Variants in PLA2G1B observed in about 807,000 individuals in gnomAD.
The protein encoded by PLA2G1B is phospholipase A2.
In PLA2G1B, 12 loss-of-function variants were observed where a neutral mutation model predicts 12.5. That is an observed-to-expected ratio of 0.96 (90% CI 0.62 to 1.56). The LOEUF (loss-of-function observed/expected upper bound fraction) is 1.56, where lower values mean the gene tolerates loss of function less well. Ranked by LOEUF, PLA2G1B falls within the 40% of genes most tolerant of loss-of-function variation. PLA2G1B has a pLI of 0.00. For synonymous variants in PLA2G1B, 81 were observed against 73.4 expected (o/e 1.10, Z -0.53); for missense variants, 189 against 186.7 (o/e 1.01, Z -0.07).
chr12:120,323,764 T>C (rs1290772832), intron 3 of PLA2G1B, among the ~76,000 whole-genome samples: 1 of 152,080 alleles, frequency 6.6e-6, no homozygotes, highest in Non-Finnish European at 1.5e-5. Flanking sequence ...TTAAGCCATA[T>C]TATTCAGTGA....
intron 3 of PLA2G1B, among the ~76,000 whole-genome samples, chr12:120,324,154 A>G (rs879261105): frequency 6.6e-5 from 10 of 152,274 alleles, no homozygotes; most frequent in Non-Finnish European, 1.3e-4. Flanking sequence ...TCTGCTAAAA[A>G]TACAAAAAAT....
rs1873246197 is a variant in PLA2G1B, at chr12:120,322,117, C to G, written c.*76G>C. 1.4e-6 allele frequency: 2 copies of G among 1,429,960 alleles called. No individual in the cohort carries two copies. The highest frequency in any genetic ancestry group is 4.6e-5 in the East Asian group (2 of 43,264). The allele number at this position is 1,429,960 out of a possible 1,614,324, so 88.6% of individuals were successfully genotyped here. On this transcript the variant is annotated 3_prime_UTR_variant, in exon 4 of 4. Transcript: ENST00000308366. The stretch of plus-strand genomic sequence containing the variant: ...ATAAAACAATATCCAAACATGAGGT[C>G]TTTCAACAAGGTGCTTTATTGGAGA...
chr12:120,327,661 A>G (rs1873376682), intron 1 of PLA2G1B, 59 bp downstream of exon 1: 2 of 1,518,648 alleles, frequency 1.3e-6, no homozygotes, highest in Admixed American at 1.7e-5. Context: ...ATTCCAGAGG[A>G]GTGAGATCTT....
rs1430528739 is a variant in PLA2G1B, at chr12:120,326,158, C to G, written c.35-138G>C. The G allele has an allele frequency of 8.4e-6, 6 of 716,096 alleles. No homozygotes were observed. The African/African-American group carries it at 9.2e-5, about 11-fold the overall frequency. 44.4% of individuals were successfully genotyped at this position (716,096 alleles called of 1,614,324 possible). A position where few individuals can be genotyped will look rare whatever the true frequency, so the allele number is the denominator to read the frequency against. On this transcript the variant is annotated intron_variant, in intron 1 of 3. Coordinates refer to ENST00000308366, the MANE Select transcript of PLA2G1B (RefSeq NM_000928.3). ...CTCTGAAGACCGTTGGACCCAGGAA[C>G]CTGGTAAAGTGAAAGTGGGTAGAGG... is the stretch of plus-strand genomic sequence containing the variant.
chr12:120,325,172 G>A (rs974419370), intron 2 of PLA2G1B, 111 bp from the exon 3 acceptor site: 32 of 1,026,268 alleles, frequency 3.1e-5, no homozygotes, highest in Non-Finnish European at 4.2e-5. Context: ...GATGCTTCAG[G>A]AGAAATGATC....
rs1275821281 is a variant in PLA2G1B at position 120,325,844 on chromosome 12, G to A, written c.194+17C>T. 7.4e-6 allele frequency: 12 copies of A among 1,611,900 alleles called. No homozygotes were observed. The highest frequency in any genetic ancestry group is 6.7e-5 in the East Asian group (3 of 44,754). On this transcript the variant is annotated intron_variant, in intron 2 of 3. Transcript: ENST00000308366. Reference sequence around the variant, plus strand: ...CCCCGGCAGGCACTCCAATTTTCCTGCAGGCGGATCACTTACTTGTCCAGT... The same window carrying A: ...CCCCGGCAGGCACTCCAATTTTCCTACAGGCGGATCACTTACTTGTCCAGT...
chr12:120,324,113 A>G (rs1292862673), intron 3 of PLA2G1B, among the ~76,000 whole-genome samples: 1 of 152,038 alleles, frequency 6.6e-6, no homozygotes, highest in East Asian at 1.9e-4. Flanking sequence ...GGAGTTTGAG[A>G]CCAGCCTGGG....
rs141534254 is a variant in PLA2G1B, at chr12:120,326,463, C to T, written c.35-443G>A. Among the ~76,000 whole-genome samples, 1,118 of 149,594 alleles carry T rather than the reference C, an allele frequency of 7.5e-3. 15 individuals are homozygous for T. The highest frequency in any genetic ancestry group is 0.026 in the African/African-American group (1,048 of 40,860). ...GTTCACGCCATTCTCCTGCCTCAGC[C>T]TCCCTAGGTCAGATAGTTTTAAACT... is the stretch of plus-strand genomic sequence containing the variant. On this transcript the variant is annotated intron_variant, in intron 1 of 3. Coordinates refer to ENST00000308366, the MANE Select transcript of PLA2G1B (RefSeq NM_000928.3).
Position 120,322,262 on chromosome 12 carries a change from G to A in PLA2G1B, c.378C>T (p.Ile126=), listed in dbSNP as rs766599969. The A allele has an allele frequency of 5.0e-6, 8 of 1,614,038 alleles. No individual in the cohort carries two copies. Among genetic ancestry groups the A allele is most frequent in the Non-Finnish European group, 6.8e-6 (8 of 1,179,934 alleles). Residue 126 remains isoleucine (I), a synonymous_variant, in exon 4 of 4, where the codon ATC becomes ATT. Transcript: ENST00000308366. ...FICNCDRNAA[I]CFSKAPYNKA... ...TGTTATATGGAGCTTTTGAAAAGCA[G>A]ATGGCAGCGTTGCGGTCGCAGTTGC... is the stretch of plus-strand genomic sequence containing the variant.
chr12:120,327,111 C>CA (rs1215293612), intron 1 of PLA2G1B, among the ~76,000 whole-genome samples: 3 of 150,554 alleles, frequency 2.0e-5, no homozygotes, highest in Non-Finnish European at 1.5e-5. Flanking sequence ...CTGTCTCTAC[C>CA]AAAAAAAACA....
At chr12:120,325,199 T>G in intron 2 of PLA2G1B, 138 bp from the exon 3 acceptor site, 1 of 799,142 alleles carries the variant, frequency 1.3e-6, no homozygotes, top group South Asian at 1.7e-5. Flanking sequence ...CTTGAAAAAA[T>G]ATAAGTCCTT....
chr12:120,323,155 TAAAC>T (rs374179730), intron 3 of PLA2G1B, among the ~76,000 whole-genome samples: 1 of 152,132 alleles, frequency 6.6e-6, no homozygotes, highest in African/African-American at 2.4e-5. Flanking sequence ...ATAACCAAAA[TAAAC>T]AATAAGATTA....
At chr12:120,324,555 C>A (rs1873299029) in intron 3 of PLA2G1B, among the ~76,000 whole-genome samples, 1 of 152,092 alleles carries the variant, frequency 6.6e-6, no homozygotes, top group South Asian at 2.1e-4. Flanking sequence ...GTAGTCCCAG[C>A]TACTTGGGAG....
Position 120,324,925 on chromosome 12 carries a change from T to G in PLA2G1B, c.322+9A>C, listed in dbSNP as rs1399404141. The G allele has an allele frequency of 6.2e-7, 1 of 1,614,026 alleles. No individual in the cohort carries two copies. The highest frequency in any genetic ancestry group is 1.1e-5 in the South Asian group (1 of 91,086). ...TAGAATTCATAGGTCAAGGAAGGGATAAACCTACTGCTACAGGTGATTGCC... is the reference window on the plus strand; with the variant it reads ...TAGAATTCATAGGTCAAGGAAGGGAGAAACCTACTGCTACAGGTGATTGCC... On this transcript the variant is annotated intron_variant, in intron 3 of 3. Coordinates refer to ENST00000308366, the MANE Select transcript of PLA2G1B (RefSeq NM_000928.3).
At chr12:120,323,254 C>T (rs1464845692) in intron 3 of PLA2G1B, among the ~76,000 whole-genome samples, 5 of 151,822 alleles carry the variant, frequency 3.3e-5, no homozygotes, top group South Asian at 2.1e-4. Flanking sequence ...TGTTTCTCTC[C>T]GATCCTTTAT....
chr12:120,324,559 T>C (rs1394409343), intron 3 of PLA2G1B, among the ~76,000 whole-genome samples: 1 of 152,106 alleles, frequency 6.6e-6, no homozygotes, highest in African/African-American at 2.4e-5. Flanking sequence ...TCCCAGCTAC[T>C]TGGGAGGCTG....
intron 1 of PLA2G1B, among the ~76,000 whole-genome samples, chr12:120,326,583 TAATAATA>T (rs1565876454): frequency 5.8e-5 from 2 of 34,266 alleles, no homozygotes; most frequent in Non-Finnish European, 2.1e-4. Flanking sequence ...ACAGATATAA[TAATAATA>T]ATAATAATAA....
At chr12:120,323,357 C>T (rs1055023225) in intron 3 of PLA2G1B, among the ~76,000 whole-genome samples, 3 of 151,578 alleles carry the variant, frequency 2.0e-5, no homozygotes, top group African/African-American at 4.9e-5. Context: ...CCTCTGCCTC[C>T]CAGGTTCAAG....
At chr12:120,325,699 A>G (rs1873327544) in intron 2 of PLA2G1B, among the ~76,000 whole-genome samples, 162 bp downstream of exon 2, 2 of 152,324 alleles carry the variant, frequency 1.3e-5, no homozygotes, top group East Asian at 1.9e-4. Flanking sequence ...TGCGTTCGCT[A>G]CAGGGTCCTC....
Sources: gnomAD v4.1 joint callset for allele counts (sites outside exome capture counted in the v4.1 genomes callset) on GRCh38, gnomAD v4.1.1 for gene constraint, MANE v1.5 for transcripts, NCBI Gene and HGNC (gene_info 2026-07-23, HGNC 2026-07-21) for gene names.